The following LCORL variants were observed in gnomAD, a reference collection of about 807,000 sequenced individuals.
LCORL encodes ligand dependent nuclear receptor corepressor like, also known as ligand-dependent nuclear receptor corepressor-like protein.
In LCORL, 41 loss-of-function variants were observed where a neutral mutation model predicts 141.8. The ratio of observed to expected loss-of-function variants is 0.29; its 90% CI spans 0.23 to 0.38. The LOEUF (loss-of-function observed/expected upper bound fraction) is 0.38, where lower values mean the gene tolerates loss of function less well. LCORL is among the 10% of genes least tolerant of loss of function. The probability of loss-of-function intolerance (pLI) is 1.00; values close to 1 mark genes in which losing one functional copy is unlikely to be tolerated. For missense variants in LCORL, 1,759 were observed against 2,035.0 expected, an observed-to-expected ratio of 0.86 and a Z score of 2.61; for synonymous variants, 618 against 694.1, an observed-to-expected ratio of 0.89 and a Z score of 1.72.
At chr4:17,848,186 C>A (rs1302354393) in intron 7 of LCORL, among the ~76,000 whole-genome samples, 1 of 151,982 alleles carries the variant, frequency 6.6e-6, no homozygotes, top group Non-Finnish European at 1.5e-5. Flanking sequence ...TTGAAAAAAA[C>A]CTAAATTTAC....
exon 7 of LCORL, chr4:17,877,024 G>T: frequency 4.9e-6 from 6 of 1,230,574 alleles, no homozygotes; most frequent in Non-Finnish European, 6.1e-6. Context: ...TCATTGTTTT[G>T]TGTCAATTTC....
At chr4:18,003,178 G>A (rs546253873) in intron 1 of LCORL, among the ~76,000 whole-genome samples, 22 of 152,170 alleles carry the variant, frequency 1.4e-4, no homozygotes, top group African/African-American at 3.4e-4. Context: ...TAAAGGTTGA[G>A]AGCAGAGCAA....
intron 1 of LCORL, among the ~76,000 whole-genome samples, chr4:17,994,256 A>G (rs1720533132): frequency 1.3e-5 from 2 of 152,152 alleles, no homozygotes; most frequent in South Asian, 4.1e-4. Flanking sequence ...CTATATTGTC[A>G]TGATGCTATT....
intron 5 of LCORL, among the ~76,000 whole-genome samples, chr4:17,889,064 T>C (rs1728699198): frequency 6.6e-6 from 1 of 152,086 alleles, no homozygotes; most frequent in African/African-American, 2.4e-5. Context: ...AGGAACCCCT[T>C]TCTCTCCTTT....
chr4:17,997,508 A>AACAGT (rs1345648403), intron 1 of LCORL, among the ~76,000 whole-genome samples: 3 of 152,196 alleles, frequency 2.0e-5, no homozygotes, highest in African/African-American at 7.2e-5. Context: ...AAAGAAGCAG[A>AACAGT]ACAGTTTTTA....
At chr4:17,852,452 AG>A (rs1393230256) in intron 7 of LCORL, among the ~76,000 whole-genome samples, 1 of 152,144 alleles carries the variant, frequency 6.6e-6, no homozygotes, top group Non-Finnish European at 1.5e-5. Context: ...CAATTTAATG[AG>A]AGCCAATTAG....
intron 4 of LCORL, among the ~76,000 whole-genome samples, chr4:17,943,620 G>A (rs934934652): frequency 2.6e-5 from 4 of 152,086 alleles, no homozygotes; most frequent in East Asian, 1.9e-4. Context: ...ACTGATATGC[G>A]CTGCAAAGAA....
At chr4:17,880,566 C>T (rs1452188369) in intron 6 of LCORL, 4 of 962,954 alleles carry the variant, frequency 4.2e-6, no homozygotes, top group Non-Finnish European at 4.9e-6. Flanking sequence ...AAAACTGCTT[C>T]CTAAAGTAAA....
At chr4:17,893,664 A>G in intron 5 of LCORL, 2 of 824,288 alleles carry the variant, frequency 2.4e-6, no homozygotes, top group Non-Finnish European at 1.5e-6. Flanking sequence ...AGGTAAAGCT[A>G]TCTTCTAATG....
chr4:17,974,953 T>C (rs58250992), intron 1 of LCORL, among the ~76,000 whole-genome samples: 11,758 of 152,094 alleles, frequency 0.077, 1,545 homozygotes, highest in African/African-American at 0.27. Flanking sequence ...AGTTTAGGTA[T>C]CGTCTCTCCT....
intron 6 of LCORL, among the ~76,000 whole-genome samples, chr4:17,885,507 T>TA (rs59813189): frequency 0.037 from 5,613 of 151,402 alleles, 358 homozygotes; most frequent in African/African-American, 0.13. Flanking sequence ...AAAAAAGTTG[T>TA]AAAAAAAAAT....
intron 6 of LCORL, chr4:17,883,317 C>A: frequency 1.0e-6 from 1 of 995,196 alleles, no homozygotes; most frequent in Admixed American, 5.7e-5. Context: ...CTATGAATAT[C>A]ATATTTCCAT....
intron 4 of LCORL, among the ~76,000 whole-genome samples, chr4:17,941,623 T>C (rs1266133216): frequency 6.6e-6 from 1 of 152,182 alleles, no homozygotes; most frequent in African/African-American, 2.4e-5. Context: ...AAGAGATGAA[T>C]AATAATGGCA....
chr4:17,962,988 T>C (rs1714146252), exon 3 of LCORL: 1 of 1,594,174 alleles, frequency 6.3e-7, no homozygotes, highest in Non-Finnish European at 8.6e-7. Flanking sequence ...CTTCTCTCTG[T>C]AGGTTACAAA....
intron 5 of LCORL, among the ~76,000 whole-genome samples, chr4:17,907,411 T>C (rs1234180142): frequency 1.3e-5 from 2 of 152,218 alleles, no homozygotes; most frequent in Non-Finnish European, 2.9e-5. Context: ...GTAACATTAC[T>C]TGTTCAAGTA....
chr4:17,874,470 G>A (rs2109178106), exon 7 of LCORL: 1 of 1,233,834 alleles, frequency 8.1e-7, no homozygotes, highest in African/African-American at 1.5e-5. Flanking sequence ...CATAAACCAA[G>A]TACAGAGTTC....
intron 2 of LCORL, among the ~76,000 whole-genome samples, chr4:17,969,397 C>T (rs954567428): frequency 3.9e-5 from 6 of 152,066 alleles, no homozygotes; most frequent in African/African-American, 9.7e-5. Flanking sequence ...GAGGTGGTTG[C>T]GAATTAAATT....
At chr4:17,899,690 C>T (rs137912966) in intron 5 of LCORL, among the ~76,000 whole-genome samples, 9 of 151,956 alleles carry the variant, frequency 5.9e-5, no homozygotes, top group South Asian at 2.1e-4. Flanking sequence ...AAAGTAGGTA[C>T]GAAAGTTATC....
chr4:17,949,868 G>GTTCAGTGAGTAGTTTCTGCT (rs1439972233), intron 4 of LCORL, among the ~76,000 whole-genome samples: 7 of 152,154 alleles, frequency 4.6e-5, no homozygotes, highest in Non-Finnish European at 1.0e-4. Context: ...GAGGATCACA[G>GTTCAGTGAGTAGTTTCTGCT]TTCAGTGAGT....
Sources: allele counts gnomAD v4.1 joint callset (sites outside exome capture counted in the v4.1 genomes callset), GRCh38; gene constraint gnomAD v4.1.1; transcripts MANE v1.5; gene names NCBI Gene and HGNC (gene_info 2026-07-23, HGNC 2026-07-21).